Variants in HS3ST1 observed in about 807,000 individuals in gnomAD.
HS3ST1 encodes the protein heparan sulfate-glucosamine 3-sulfotransferase 1.
A neutral mutation model predicts 20.7 loss-of-function variants in HS3ST1; 8 were observed. The ratio of observed to expected loss-of-function variants is 0.39; its 90% CI spans 0.23 to 0.70. The LOEUF is 0.70. Ranked by LOEUF, HS3ST1 falls within the 30% of genes least tolerant of loss-of-function variation. The probability of loss-of-function intolerance (pLI) is 0.46; values close to 1 mark genes in which losing one functional copy is unlikely to be tolerated. For synonymous variants in HS3ST1, 205 were observed against 190.4 expected (o/e 1.08, Z -0.63); for missense variants, 436 against 423.4 (o/e 1.03, Z -0.26).
At chr4:11,427,516 C>CTTGGCA (rs1444125345) in intron 1 of HS3ST1, among the ~76,000 whole-genome samples, 2 of 152,190 alleles carry the variant, frequency 1.3e-5, no homozygotes, top group Non-Finnish European at 2.9e-5. Flanking sequence ...TCCCTAGAAT[C>CTTGGCA]CCCCCAAAAG....
At chr4:11,431,295 A>G (rs558305074), upstream of HS3ST1, among the ~76,000 whole-genome samples, 12 of 152,184 alleles carry the variant, frequency 7.9e-5, no homozygotes, top group African/African-American at 2.6e-4. Context: ...TTTAAGTCAA[A>G]CATGTTTCCC....
rs934464207 is a variant in HS3ST1 at position 11,396,316 on chromosome 4, T to G, written c.*2766A>C. On this transcript the variant is annotated 3_prime_UTR_variant, in exon 2 of 2. Transcript: ENST00000002596. ...GGGAAAGGGAAGGGGCTGTTCTGAC[T>G]CTGGAGTGTCAAGTGTGTGAATATT... is the stretch of plus-strand genomic sequence containing the variant. 3 of 152,316 alleles carry G rather than the reference T, an allele frequency of 2.0e-5. No homozygotes were observed. The highest frequency in any genetic ancestry group is 2.0e-4 in the Admixed American group (3 of 15,280). 9.4% of individuals were successfully genotyped at this position (152,316 alleles called of 1,614,324 possible). A position where few individuals can be genotyped will look rare whatever the true frequency, so the allele number is the denominator to read the frequency against.
chr4:11,421,645 G>A (rs954993546), intron 1 of HS3ST1, among the ~76,000 whole-genome samples: 2 of 152,202 alleles, frequency 1.3e-5, no homozygotes, highest in Non-Finnish European at 2.9e-5. Context: ...TACTTCATCT[G>A]CAGGAATTCT....
intron 1 of HS3ST1, among the ~76,000 whole-genome samples, chr4:11,414,861 C>G (rs1030116142): frequency 1.3e-5 from 2 of 152,044 alleles, no homozygotes; most frequent in Non-Finnish European, 2.9e-5. Context: ...CTTTCCTCAC[C>G]CCCACAATGT....
intron 1 of HS3ST1, among the ~76,000 whole-genome samples, chr4:11,427,163 A>G (rs1332672039): frequency 3.3e-5 from 5 of 152,204 alleles, no homozygotes; most frequent in Non-Finnish European, 4.4e-5. Flanking sequence ...AAGCATTTCA[A>G]CAAAATAAAA....
At chr4:11,419,464 AC>A (rs1163547664) in intron 1 of HS3ST1, among the ~76,000 whole-genome samples, 1 of 151,972 alleles carries the variant, frequency 6.6e-6, no homozygotes, top group East Asian at 1.9e-4. Context: ...AACAACACAC[AC>A]CGGGGCCTGT....
At chr4:11,407,225 G>A (rs952753460) in intron 1 of HS3ST1, among the ~76,000 whole-genome samples, 27 of 152,178 alleles carry the variant, frequency 1.8e-4, no homozygotes, top group African/African-American at 4.3e-4. Flanking sequence ...AGAAAGGACC[G>A]TAAGTCAGGC....
At chr4:11,417,686 C>G (rs573272147) in intron 1 of HS3ST1, among the ~76,000 whole-genome samples, 1 of 152,244 alleles carries the variant, frequency 6.6e-6, no homozygotes, top group African/African-American at 2.4e-5. Context: ...ACAAAGATTT[C>G]TCAGGTTAGC....
At chr4:11,432,374 A>T (rs1454707158), upstream of HS3ST1, among the ~76,000 whole-genome samples, 1 of 152,180 alleles carries the variant, frequency 6.6e-6, no homozygotes, top group African/African-American at 2.4e-5. Flanking sequence ...TCCACAAAGG[A>T]AATTGGGATC....
upstream of HS3ST1, among the ~76,000 whole-genome samples, chr4:11,430,725 A>G (rs150627135): frequency 6.6e-6 from 1 of 152,332 alleles, no homozygotes; most frequent in Non-Finnish European, 1.5e-5. Context: ...AAGACCTTGA[A>G]AGAAACTGGA....
intron 1 of HS3ST1, among the ~76,000 whole-genome samples, chr4:11,404,395 C>A (rs1718406297): frequency 6.6e-6 from 1 of 152,088 alleles, no homozygotes; most frequent in African/African-American, 2.4e-5. Context: ...TTTTTTCTAC[C>A]CAGTCTTCAA....
In HS3ST1 at chr4:11,409,528, T is replaced by C. The variant is rs117580778; in HGVS notation, c.-108-9415A>G. Among the ~76,000 whole-genome samples, 351 of 152,334 alleles carry C rather than the reference T, an allele frequency of 2.3e-3. 11 individuals are homozygous for C. The East Asian group carries it at 0.058, about 25-fold the overall frequency. On this transcript the variant is annotated intron_variant, in intron 1 of 1. Coordinates refer to ENST00000002596, the MANE Select transcript of HS3ST1 (RefSeq NM_005114.4). ...TCTCTCTCTCTCATTCTCTCCACCATGTGAAGGCACAGGCAAAACGTGGCC... is the reference window on the plus strand; with the variant it reads ...TCTCTCTCTCTCATTCTCTCCACCACGTGAAGGCACAGGCAAAACGTGGCC...
At chr4:11,418,166 G>T (rs1479049974) in intron 1 of HS3ST1, among the ~76,000 whole-genome samples, 1 of 152,150 alleles carries the variant, frequency 6.6e-6, no homozygotes, top group Non-Finnish European at 1.5e-5. Flanking sequence ...CGGCTGCTTT[G>T]GGACACTGTG....
rs181980769 is a variant in HS3ST1, at chr4:11,405,473, G to A, written c.-108-5360C>T. ...ACTCCTTTCCAAGGAGGCCTTTCCT[G>A]CAAATGGAGGTCTTGCCTTGCTCTA... On this transcript the variant is annotated intron_variant, in intron 1 of 1. Coordinates refer to ENST00000002596, the MANE Select transcript of HS3ST1 (RefSeq NM_005114.4). Among the ~76,000 whole-genome samples the A allele has an allele frequency of 5.2e-3, 790 of 152,218 alleles. 8 individuals carry two copies. The highest frequency in any genetic ancestry group is 0.012 in the South Asian group (59 of 4,820).
intron 1 of HS3ST1, among the ~76,000 whole-genome samples, chr4:11,410,735 T>C (rs1304681512): frequency 1.3e-5 from 2 of 151,926 alleles, no homozygotes; most frequent in Non-Finnish European, 2.9e-5. Flanking sequence ...CTACTAAAAA[T>C]ACAAAAATTA....
rs1389050830 is a variant in HS3ST1 at position 11,394,401 on chromosome 4, A to G, written c.*4681T>C. 2.0e-5 allele frequency: 3 copies of G among 152,280 alleles called. No homozygotes were observed. Among genetic ancestry groups the G allele is most frequent in the African/African-American group, 7.2e-5 (3 of 41,468 alleles). 9.4% of individuals were successfully genotyped at this position (152,280 alleles called of 1,614,324 possible). On this transcript the variant is annotated 3_prime_UTR_variant, in exon 2 of 2. Transcript: ENST00000002596. ...TTTCTACATCAAAACACTTTAGTGA[A>G]GCAGCTAAATCCGATGATGTCCTCT...
upstream of HS3ST1, among the ~76,000 whole-genome samples, chr4:11,431,179 C>G (rs1228891424): frequency 6.7e-6 from 1 of 149,618 alleles, no homozygotes; most frequent in Non-Finnish European, 1.5e-5. Context: ...TCCATGGTAT[C>G]TGAATCCCAG....
upstream of HS3ST1, among the ~76,000 whole-genome samples, chr4:11,431,758 C>A (rs543199173): frequency 4.6e-5 from 7 of 152,210 alleles, no homozygotes; most frequent in South Asian, 1.4e-3. Context: ...AGTAATAATA[C>A]CAGCTAAAGT....
At chr4:11,426,677 C>T (rs748466061) in intron 1 of HS3ST1, among the ~76,000 whole-genome samples, 2 of 152,234 alleles carry the variant, frequency 1.3e-5, no homozygotes, top group Non-Finnish European at 2.9e-5. Context: ...ATCTATGCTG[C>T]TGTTGTAATT....
Sources: gnomAD v4.1 joint callset for allele counts (sites outside exome capture counted in the v4.1 genomes callset) on GRCh38, gnomAD v4.1.1 for gene constraint, MANE v1.5 for transcripts, NCBI Gene and HGNC (gene_info 2026-07-23, HGNC 2026-07-21) for gene names.